Variants in GPHN observed in about 807,000 individuals in gnomAD.
GPHN encodes gephyrin.
GPHN carries 17 observed loss-of-function variants against 95.5 expected under a neutral mutation model. The observed-to-expected ratio is 0.18, with a 90% CI of 0.12 to 0.27. GPHN has a LOEUF of 0.27. GPHN is among the 10% of genes least tolerant of loss of function. The pLI, the probability that GPHN is intolerant of heterozygous loss-of-function variation, is 1.00. For synonymous variants in GPHN, 320 were observed against 322.5 expected (o/e 0.99, Z 0.08); for missense variants, 660 against 978.1 (o/e 0.67, Z 4.34).
At chr14:67,359,682 C>T in the GPHN span, 1 of 1,614,080 alleles carries the variant, frequency 6.2e-7, no homozygotes. Context: ...GATTTCAATT[C>T]GGTCTTTGCC....
chr14:67,463,802 A>C, the GPHN span, among the ~76,000 whole-genome samples: 1 of 152,134 alleles, frequency 6.6e-6, no homozygotes, highest in African/African-American at 2.4e-5. Context: ...AATACACCAA[A>C]CTAAGTCTCA....
chr14:67,271,839 G>A, the GPHN span: 807 of 152,292 alleles, frequency 5.3e-3, 3 homozygotes, highest in Middle Eastern at 0.037. Flanking sequence ...TTGGGAGGCC[G>A]AGGCTGGTGG....
At chr14:66,971,225 G>A (rs1287709866) in intron 9 of GPHN, among the ~76,000 whole-genome samples, 4 of 152,210 alleles carry the variant, frequency 2.6e-5, no homozygotes, top group Non-Finnish European at 5.9e-5. Flanking sequence ...GTACTCAGGA[G>A]GCTGAGGCAG....
chr14:66,969,284 G>T (rs746525403), intron 9 of GPHN: 1 of 152,064 alleles, frequency 6.6e-6, no homozygotes, highest in African/African-American at 2.4e-5. Context: ...GACTTTCATT[G>T]TCCTGAGTAA....
chr14:67,332,001 T>C, the GPHN span, among the ~76,000 whole-genome samples: 6 of 152,236 alleles, frequency 3.9e-5, no homozygotes, highest in Non-Finnish European at 2.9e-5. Flanking sequence ...GTTTTCTTAC[T>C]GTTACAGAAG....
intron 9 of GPHN, chr14:66,996,125 A>G (rs1488422254): frequency 1.2e-5 from 16 of 1,335,854 alleles, no homozygotes; most frequent in East Asian, 5.0e-5. Context: ...GACCCTTACT[A>G]TGCTATCCTT....
At chr14:67,612,786 C>A in the GPHN span, among the ~76,000 whole-genome samples, 1 of 150,674 alleles carries the variant, frequency 6.6e-6, no homozygotes, top group Non-Finnish European at 1.5e-5. Context: ...ACTAAAAATA[C>A]AAAAAAAAAT....
At chr14:66,730,742 G>A (rs1032993404) in intron 2 of GPHN, among the ~76,000 whole-genome samples, 1 of 152,118 alleles carries the variant, frequency 6.6e-6, no homozygotes, top group Admixed American at 6.5e-5. Context: ...CTCCTTGAGA[G>A]GAATATTTAA....
chr14:67,690,711 C>T, the GPHN span: 11 of 417,512 alleles, frequency 2.6e-5, no homozygotes, highest in Middle Eastern at 2.9e-3. Flanking sequence ...TGGCTGGGTG[C>T]GGTGGCTCAC....
chr14:66,575,608 G>C (rs114565335), intron 1 of GPHN, among the ~76,000 whole-genome samples: 29 of 152,310 alleles, frequency 1.9e-4, no homozygotes, highest in Admixed American at 9.8e-4. Context: ...CAGTTTGTCA[G>C]GCCTGGTGCC....
intron 18 of GPHN, among the ~76,000 whole-genome samples, chr14:67,144,251 ATATATATATATATATATATATAT>A (rs1317395111): frequency 4.8e-5 from 2 of 41,266 alleles, no homozygotes; most frequent in African/African-American, 1.2e-4. Flanking sequence ...AAAAAAAAAA[ATATATATATATATATATATATAT>A]ATATATATAT....
At chr14:67,019,725 C>T (rs1280637094) in intron 9 of GPHN, among the ~76,000 whole-genome samples, 3 of 152,152 alleles carry the variant, frequency 2.0e-5, no homozygotes, top group South Asian at 2.1e-4. Flanking sequence ...GTACATCTGG[C>T]TTCCACTGGA....
intron 9 of GPHN, among the ~76,000 whole-genome samples, chr14:67,004,449 G>A (rs1240241518): frequency 6.6e-6 from 1 of 151,600 alleles, no homozygotes; most frequent in Non-Finnish European, 1.5e-5. Flanking sequence ...ATTAAATATG[G>A]GGCCTTAATG....
At chr14:66,772,347 C>T (rs777508413) in intron 2 of GPHN, among the ~76,000 whole-genome samples, 1 of 152,222 alleles carries the variant, frequency 6.6e-6, no homozygotes, top group Non-Finnish European at 1.5e-5. Flanking sequence ...TGCTTTTAAT[C>T]TTTGACCTCG....
At chr14:67,171,510 C>A (rs1034565300) in intron 21 of GPHN, among the ~76,000 whole-genome samples, 1 of 152,130 alleles carries the variant, frequency 6.6e-6, no homozygotes, top group Non-Finnish European at 1.5e-5. Flanking sequence ...CTCTACCACC[C>A]TTGTTCTCAG....
intron 1 of GPHN, among the ~76,000 whole-genome samples, chr14:66,519,392 G>C (rs1443924864): frequency 6.6e-6 from 1 of 151,966 alleles, no homozygotes; most frequent in Non-Finnish European, 1.5e-5. Flanking sequence ...CAATACATCA[G>C]AGCTTGCAAA....
chr14:67,275,706 C>T, the GPHN span, among the ~76,000 whole-genome samples: 17,531 of 152,118 alleles, frequency 0.12, 1,678 homozygotes, highest in African/African-American at 0.27. Context: ...GTACCAGCTC[C>T]TCTTTGTACC....
chr14:67,620,179 G>A, the GPHN span: 3 of 915,078 alleles, frequency 3.3e-6, no homozygotes, highest in Non-Finnish European at 4.8e-6. Flanking sequence ...ACCGGGAGGC[G>A]AGGAGAGGAT....
intron 1 of GPHN, among the ~76,000 whole-genome samples, chr14:66,622,510 T>C (rs2063350686): frequency 6.6e-6 from 1 of 152,222 alleles, no homozygotes; most frequent in African/African-American, 2.4e-5. Flanking sequence ...TGGGATTTTC[T>C]TTTCTTTCGC....
Sources: gnomAD v4.1 joint callset for allele counts (sites outside exome capture counted in the v4.1 genomes callset) on GRCh38, gnomAD v4.1.1 for gene constraint, MANE v1.5 for transcripts, NCBI Gene and HGNC (gene_info 2026-07-23, HGNC 2026-07-21) for gene names.